Variants in PRR16 observed in about 807,000 individuals in gnomAD.
The protein encoded by PRR16 is proline rich 16, also known as protein Largen.
In PRR16, 6 loss-of-function variants were observed where a neutral mutation model predicts 18.2. The observed-to-expected ratio is 0.33, with a 90% CI of 0.18 to 0.65. The LOEUF is 0.65. Among genes scored for constraint, PRR16 ranks in the 30% least tolerant of loss-of-function variants. The pLI, the probability that PRR16 is intolerant of heterozygous loss-of-function variation, is 0.74. For synonymous variants in PRR16, 151 were observed against 147.8 expected (o/e 1.02, Z -0.16); for missense variants, 412 against 376.6 (o/e 1.09, Z -0.78).
the PRR16 span, among the ~76,000 whole-genome samples, chr5:120,695,158 A>T: frequency 6.6e-6 from 1 of 152,170 alleles, no homozygotes; most frequent in Non-Finnish European, 1.5e-5. Flanking sequence ...TATGACAAAA[A>T]TCGAGTATTT....
At chr5:120,597,950 T>A (rs1036596065) in intron 1 of PRR16, among the ~76,000 whole-genome samples, 1 of 151,834 alleles carries the variant, frequency 6.6e-6, no homozygotes, top group Non-Finnish European at 1.5e-5. Context: ...GTTGCTATAA[T>A]ATGGAGGTCT....
At chr5:120,675,425 A>G (rs944667898) in intron 1 of PRR16, among the ~76,000 whole-genome samples, 2 of 151,950 alleles carry the variant, frequency 1.3e-5, no homozygotes, top group Non-Finnish European at 2.9e-5. Flanking sequence ...CTTGTTAAAT[A>G]CAGTGATTCA....
intron 1 of PRR16, among the ~76,000 whole-genome samples, chr5:120,564,943 G>A (rs910968338): frequency 1.1e-4 from 16 of 148,188 alleles, no homozygotes; most frequent in Admixed American, 3.4e-4. Context: ...CCGAGATCGC[G>A]CCACTGCACT....
At chr5:120,687,645 A>G (rs772386182), downstream of PRR16, among the ~76,000 whole-genome samples, 3 of 152,138 alleles carry the variant, frequency 2.0e-5, no homozygotes, top group Non-Finnish European at 4.4e-5. Flanking sequence ...TGCCTCCCCA[A>G]GTGGACCCAC....
chr5:120,632,591 A>T (rs1346381572), intron 1 of PRR16, among the ~76,000 whole-genome samples: 3 of 152,180 alleles, frequency 2.0e-5, no homozygotes, highest in African/African-American at 7.2e-5. Flanking sequence ...TGCACCAGAA[A>T]GTCTCAGCAA....
At chr5:120,705,149 A>G in the PRR16 span, among the ~76,000 whole-genome samples, 1 of 152,254 alleles carries the variant, frequency 6.6e-6, no homozygotes, top group East Asian at 1.9e-4. Flanking sequence ...TTTGCATTCA[A>G]AGAATATTGC....
intron 1 of PRR16, among the ~76,000 whole-genome samples, chr5:120,485,625 G>A (rs1260266104): frequency 1.3e-5 from 2 of 152,036 alleles, no homozygotes; most frequent in Admixed American, 6.6e-5. Flanking sequence ...AGATGTTGGT[G>A]TAAATTATGC....
chr5:120,508,774 AGTTT>A (rs1750727736), intron 1 of PRR16, among the ~76,000 whole-genome samples: 1 of 152,144 alleles, frequency 6.6e-6, no homozygotes, highest in African/African-American at 2.4e-5. Flanking sequence ...TTAAAGCATT[AGTTT>A]AAGGACAATA....
At chr5:120,594,269 C>T (rs1331810221) in intron 1 of PRR16, among the ~76,000 whole-genome samples, 1 of 150,480 alleles carries the variant, frequency 6.6e-6, no homozygotes, top group Non-Finnish European at 1.5e-5. Flanking sequence ...TTTCAGGATA[C>T]AAGATCAACG....
At chr5:120,541,924 C>T (rs567529905) in intron 1 of PRR16, among the ~76,000 whole-genome samples, 2 of 146,162 alleles carry the variant, frequency 1.4e-5, no homozygotes, top group African/African-American at 2.5e-5. Context: ...TTCCTTTCCT[C>T]TTTTTTTTTT....
At chr5:120,698,006 A>ATGGCT in the PRR16 span, among the ~76,000 whole-genome samples, 1 of 152,146 alleles carries the variant, frequency 6.6e-6, no homozygotes, top group South Asian at 2.1e-4. Flanking sequence ...AGGGGATGCG[A>ATGGCT]TGGCTTGGCT....
the PRR16 span, among the ~76,000 whole-genome samples, chr5:120,756,523 G>T: frequency 0.043 from 6,567 of 151,974 alleles, 283 homozygotes; most frequent in African/African-American, 0.1. Context: ...CTATGTTTTG[G>T]ATTTGCATTT....
intron 1 of PRR16, among the ~76,000 whole-genome samples, chr5:120,490,710 T>C (rs930268221): frequency 2.0e-5 from 3 of 152,246 alleles, no homozygotes; most frequent in African/African-American, 4.8e-5. Flanking sequence ...TGCGTTCCTT[T>C]GGAGGAGGAG....
At chr5:120,631,722 T>C (rs1454512691) in intron 1 of PRR16, among the ~76,000 whole-genome samples, 28 of 152,042 alleles carry the variant, frequency 1.8e-4, no homozygotes, top group Admixed American at 1.8e-3. Context: ...GACAGGCCTA[T>C]CCCTGCCCCG....
At chr5:120,625,235 CT>C (rs1214001404) in intron 1 of PRR16, among the ~76,000 whole-genome samples, 14 of 152,176 alleles carry the variant, frequency 9.2e-5, no homozygotes, top group African/African-American at 3.4e-4. Context: ...TGTCTCTGAA[CT>C]CAGTGATGTT....
intron 1 of PRR16, chr5:120,658,256 T>G (rs1756052236): frequency 6.6e-6 from 1 of 151,798 alleles, no homozygotes; most frequent in Non-Finnish European, 1.5e-5. Flanking sequence ...CAGTGTGACA[T>G]GTATGTCTGC....
chr5:120,514,200 A>G (rs992526261), intron 1 of PRR16, among the ~76,000 whole-genome samples: 3 of 152,150 alleles, frequency 2.0e-5, no homozygotes, highest in African/African-American at 7.2e-5. Context: ...CTGATTCTCT[A>G]TGCCATTGTA....
In PRR16 at chr5:120,511,047, C is replaced by T. The variant is rs148429030; in HGVS notation, c.159+46402C>T. ...CTGAATGTGGATCTGTCTCTTAGGGCTCCATACACAAGCGCCCAGAAACTA... is the reference window on the plus strand; with the variant it reads ...CTGAATGTGGATCTGTCTCTTAGGGTTCCATACACAAGCGCCCAGAAACTA... On this transcript the variant is annotated intron_variant, in intron 1 of 1. Coordinates refer to ENST00000407149, the MANE Select transcript of PRR16 (RefSeq NM_001300783.2). 4.0e-3 allele frequency among the ~76,000 whole-genome samples: 610 copies of T among 152,238 alleles called. 5 individuals carry two copies. The highest frequency in any genetic ancestry group is 0.013 in the African/African-American group (561 of 41,560).
At chr5:120,508,002 T>C (rs2112852723) in intron 1 of PRR16, among the ~76,000 whole-genome samples, 1 of 152,266 alleles carries the variant, frequency 6.6e-6, no homozygotes, top group African/African-American at 2.4e-5. Context: ...GAGACACTAA[T>C]GTGCCCACTA....
Sources: allele counts gnomAD v4.1 joint callset (sites outside exome capture counted in the v4.1 genomes callset), GRCh38; gene constraint gnomAD v4.1.1; transcripts MANE v1.5; gene names NCBI Gene and HGNC (gene_info 2026-07-23, HGNC 2026-07-21).